AASS: variants seen among roughly 807,000 people sequenced by gnomAD.
AASS encodes the protein aminoadipate-semialdehyde synthase.
Under a neutral mutation model 105.4 loss-of-function variants are expected in AASS, and 86 were observed. The ratio of observed to expected loss-of-function variants is 0.82; its 90% confidence interval spans 0.69 to 0.98. AASS has a LOEUF of 0.98. AASS is among the 50% of genes least tolerant of loss of function. The probability of loss-of-function intolerance (pLI) is 0.00; values close to 1 mark genes in which losing one functional copy is unlikely to be tolerated. For synonymous variants in AASS, 381 were observed against 394.8 expected, an observed-to-expected ratio of 0.96 and a Z score of 0.41; for missense variants, 1,048 against 1,143.2, an observed-to-expected ratio of 0.92 and a Z score of 1.20.
In AASS at chr7:122,075,682, T is replaced by C. The variant is rs755586440; in HGVS notation, c.*807A>G. Reference sequence around the variant, plus strand: ...GTTGAATTTTGTTAAATACTTTTCCTGTGCCTAATGAAGTGATCTTGTAAA... The same window carrying C: ...GTTGAATTTTGTTAAATACTTTTCCCGTGCCTAATGAAGTGATCTTGTAAA... On this transcript the variant is annotated 3_prime_UTR_variant, in exon 24 of 24. Transcript: ENST00000417368. 1 of 152,198 alleles carries C rather than the reference T, an allele frequency of 6.6e-6. No individual in the cohort carries two copies. Among genetic ancestry groups the C allele is most frequent in the Non-Finnish European group, 1.5e-5 (1 of 68,032 alleles). The allele number at this position is 152,198 out of a possible 1,614,324, so 9.4% of individuals were successfully genotyped here.
intron 17 of AASS, 94 bp from the exon 18 acceptor site, chr7:122,091,937 T>C (rs982680173): frequency 2.3e-5 from 21 of 908,560 alleles, no homozygotes; most frequent in Non-Finnish European, 3.3e-5. Context: ...TGGAGTAAAC[T>C]TGCTACAGTT....
In AASS at chr7:122,118,174, T is replaced by C. The variant is rs1795276202; in HGVS notation, c.687+133A>G. On this transcript the variant is annotated intron_variant, in intron 6 of 23. Transcript: ENST00000417368. ...TTACTACTTTTCACTATGAGAAAAA[T>C]ACATTGGTAAGAAAAGTGCCTAAAA... 3 of 961,132 alleles carry C rather than the reference T, an allele frequency of 3.1e-6. No individual in the cohort carries two copies. The South Asian group carries it at 4.5e-5, about 14-fold the overall frequency. The allele number at this position is 961,132 out of a possible 1,614,324, so 59.5% of individuals were successfully genotyped here.
At position 122,116,689 on chromosome 7, in the gene AASS, C is replaced by CAG; in HGVS notation, c.837_838insCT (p.Asp280LeufsTer14). On this transcript the variant is annotated frameshift_variant, in exon 8 of 24. Transcript: ENST00000417368. LOFTEE classifies it high-confidence loss of function. Reference sequence around the variant, plus strand: ...GGATGTTTGTCATACTCTGCAGGATCATACACAGCATCTGTTTTCCTGACA... The same window carrying CAG: ...GGATGTTTGTCATACTCTGCAGGATCAGATACACAGCATCTGTTTTCCTGACA... The CAG allele has an allele frequency of 1.2e-6, 2 of 1,614,114 alleles. No individual in the cohort carries two copies. Among genetic ancestry groups the CAG allele is most frequent in the Non-Finnish European group, 1.7e-6 (2 of 1,179,994 alleles).
At chr7:122,140,818 A>G (rs1193010721) in intron 1 of AASS, among the ~76,000 whole-genome samples, 3 of 152,002 alleles carry the variant, frequency 2.0e-5, no homozygotes. Flanking sequence ...TCTTTAGATG[A>G]AGAAAATAAG....
Position 122,092,392 on chromosome 7 carries a change from G to A in AASS, c.1875+451C>T, listed in dbSNP as rs543095995. On this transcript the variant is annotated intron_variant, in intron 17 of 23. Coordinates refer to ENST00000417368, the MANE Select transcript of AASS (RefSeq NM_005763.4). ...AAGCCAAAATTTTATAGTAGCATCT[G>A]TTTCTCCAAAAATTGGTTGCTACCT... Among the ~76,000 whole-genome samples, 13 of 152,222 alleles carry A rather than the reference G, an allele frequency of 8.5e-5. No homozygotes were observed. The Middle Eastern group carries it at 0.01, about 120-fold the overall frequency.
intron 20 of AASS, 67 bp downstream of exon 20, chr7:122,081,433 C>A: frequency 8.1e-7 from 1 of 1,238,498 alleles, no homozygotes; most frequent in South Asian, 1.2e-5. Flanking sequence ...AAGCAGAGTT[C>A]ACCCCCGACC....
intron 1 of AASS, among the ~76,000 whole-genome samples, chr7:122,143,594 G>C (rs532503761): frequency 2.1e-4 from 32 of 151,726 alleles, no homozygotes; most frequent in Non-Finnish European, 4.4e-4. Context: ...CTGGAGAATG[G>C]GTCTGTGTCT....
chr7:122,115,259 T>C lies in AASS; in HGVS notation c.895-37A>G. On this transcript the variant is annotated intron_variant, in intron 8 of 23. Coordinates refer to ENST00000417368, the MANE Select transcript of AASS (RefSeq NM_005763.4). ...GTTCCAGGTTCAAGAAAATAGAAAA[T>C]AGCCTATTTTAATACAGTATACTGA... The C allele has an allele frequency of 3.1e-6, 5 of 1,611,324 alleles. No homozygotes were observed. The African/African-American group carries it at 4.0e-5, about 13-fold the overall frequency.
chr7:122,132,860 T>C (rs1291332209), intron 2 of AASS, among the ~76,000 whole-genome samples: 2 of 152,020 alleles, frequency 1.3e-5, no homozygotes, highest in African/African-American at 4.8e-5. Context: ...TTGAAAGAAC[T>C]AAAGACACAC....
chr7:122,087,837 A>C (rs991627617), intron 18 of AASS, among the ~76,000 whole-genome samples: 16 of 152,208 alleles, frequency 1.1e-4, no homozygotes, highest in Non-Finnish European at 1.9e-4. Context: ...TGACCACAAT[A>C]TTCTAGCTTA....
At chr7:122,121,662 C>T (rs971443242) in intron 4 of AASS, among the ~76,000 whole-genome samples, 2 of 152,100 alleles carry the variant, frequency 1.3e-5, no homozygotes, top group Non-Finnish European at 2.9e-5. Flanking sequence ...CCAAAGTGAG[C>T]GACTGGGCCC....
rs1237409478 is a variant in AASS, at chr7:122,102,173, A to C, written c.1279-493T>G. Among the ~76,000 whole-genome samples, 14 of 151,900 alleles carry C rather than the reference A, an allele frequency of 9.2e-5. No homozygotes were observed. In the East Asian group the frequency reaches 2.7e-3, roughly 29 times the overall value. The stretch of plus-strand genomic sequence containing the variant: ...AGTATTAGTAGTTATATGTATAGGT[A>C]CATCAGCATTTCAAAGGTGGTAGCA... On this transcript the variant is annotated intron_variant, in intron 11 of 23. Transcript: ENST00000417368.
intron 20 of AASS, 85 bp downstream of exon 20, chr7:122,081,415 C>T: frequency 9.7e-7 from 1 of 1,027,330 alleles, no homozygotes; most frequent in Non-Finnish European, 1.6e-6. Context: ...GGATCTTTTG[C>T]AGATCCAAAG....
intron 13 of AASS, among the ~76,000 whole-genome samples, chr7:122,101,125 G>T (rs1346885678): frequency 4.6e-5 from 7 of 151,452 alleles, no homozygotes; most frequent in African/African-American, 1.5e-4. Context: ...ATTTTTGCTT[G>T]CTTACCCATA....
At chr7:122,093,553 T>C (rs993665119) in intron 15 of AASS, among the ~76,000 whole-genome samples, 5 of 152,166 alleles carry the variant, frequency 3.3e-5, no homozygotes, top group African/African-American at 1.2e-4. Context: ...CTCATGCCTG[T>C]AATCCCAGAA....
intron 21 of AASS, chr7:122,079,301 T>A: frequency 7.4e-7 from 1 of 1,346,774 alleles, no homozygotes; most frequent in Non-Finnish European, 9.6e-7. Context: ...TGTTTTCATG[T>A]AATATTCTAT....
Position 122,081,488 on chromosome 7 carries a change from G to A in AASS, c.2280+12C>T, listed in dbSNP as rs1316693690. The A allele has an allele frequency of 1.8e-5, 29 of 1,599,294 alleles. No homozygotes were observed. Among genetic ancestry groups the A allele is most frequent in the Middle Eastern group, 3.3e-4 (2 of 6,032 alleles). ...AAAAGGAGCAGATAGAACGTAATTC[G>A]GAGTCACTCACCCAGGTGAGAGGGT... On this transcript the variant is annotated intron_variant, in intron 20 of 23. Coordinates refer to ENST00000417368, the MANE Select transcript of AASS (RefSeq NM_005763.4).
intron 22 of AASS, 145 bp downstream of exon 22, chr7:122,078,717 T>C (rs1357152005): frequency 4.0e-6 from 3 of 749,292 alleles, no homozygotes; most frequent in South Asian, 3.0e-5. Flanking sequence ...TTCCTCCCTC[T>C]GGAAAAATAG....
Position 122,134,289 on chromosome 7 carries a change from AAAC to A in AASS, c.-15-551_-15-549del, listed in dbSNP as rs536546369. Among the ~76,000 whole-genome samples the A allele has an allele frequency of 3.9e-5, 6 of 152,352 alleles. No homozygotes were observed. The South Asian group carries it at 1.0e-3, about 26-fold the overall frequency. ...CTGTTTTTTTAAAACAAAAAACAAA[AAAC>A]AAAAAAACTGGTTCACAATTAGATG... On this transcript the variant is annotated intron_variant, in intron 1 of 23. Transcript: ENST00000417368.
Sources: allele counts gnomAD v4.1 joint callset (sites outside exome capture counted in the v4.1 genomes callset), GRCh38; gene constraint gnomAD v4.1.1; transcripts MANE v1.5; gene names NCBI Gene and HGNC (gene_info 2026-07-23, HGNC 2026-07-21).